Variants in PRDM11 observed in about 807,000 individuals in gnomAD.
PRDM11 encodes the protein PR/SET domain 11, also known as PR domain-containing protein 11.
PRDM11 carries 20 observed loss-of-function variants against 97.8 expected under a neutral mutation model. The ratio of observed to expected loss-of-function variants is 0.20; its 90% CI spans 0.14 to 0.30. The LOEUF is 0.30. Ranked by LOEUF, PRDM11 falls within the 10% of genes least tolerant of loss-of-function variation. The pLI is 1.00. For missense variants in PRDM11, 1,139 were observed against 1,555.2 expected, an observed-to-expected ratio of 0.73 and a Z score of 4.50; for synonymous variants, 599 against 637.7, an observed-to-expected ratio of 0.94 and a Z score of 0.91.
At chr11:45,199,138 G>A (rs566971819) in intron 4 of PRDM11, among the ~76,000 whole-genome samples, 45 of 152,242 alleles carry the variant, frequency 3.0e-4, no homozygotes, top group African/African-American at 1.1e-3. Flanking sequence ...TCGCTCAGGG[G>A]GCCAAACTCC....
chr11:45,189,044 G>A, intron 4 of PRDM11, among the ~76,000 whole-genome samples: 1 of 152,202 alleles, frequency 6.6e-6, no homozygotes, highest in East Asian at 1.9e-4. Context: ...TGGGATTACA[G>A]GCATGCGCCA....
chr11:45,201,536 C>T (rs1171544738), intron 4 of PRDM11, among the ~76,000 whole-genome samples: 5 of 151,822 alleles, frequency 3.3e-5, no homozygotes, highest in African/African-American at 7.3e-5. Flanking sequence ...CTTTGTCACC[C>T]GGGCTTGAGT....
chr11:45,157,348 C>T (rs865808953), intron 1 of PRDM11, among the ~76,000 whole-genome samples: 1 of 152,124 alleles, frequency 6.6e-6, no homozygotes, highest in Non-Finnish European at 1.5e-5. Context: ...CTAGAGCCCT[C>T]GCATGCGCAG....
intron 1 of PRDM11, among the ~76,000 whole-genome samples, chr11:45,176,052 G>A (rs187978892): frequency 1.3e-5 from 2 of 152,010 alleles, no homozygotes; most frequent in East Asian, 1.9e-4. Flanking sequence ...TATTTATTAG[G>A]GGTATTCACT....
intron 5 of PRDM11, among the ~76,000 whole-genome samples, chr11:45,208,152 T>C (rs889149873): frequency 1.9e-4 from 29 of 152,108 alleles, no homozygotes; most frequent in Non-Finnish European, 5.9e-5. Flanking sequence ...TCTCAAATTC[T>C]ACCAAAAAGT....
intron 4 of PRDM11, among the ~76,000 whole-genome samples, chr11:45,187,748 G>C (rs1852757226): frequency 6.6e-6 from 1 of 152,196 alleles, no homozygotes; most frequent in Admixed American, 6.5e-5. Flanking sequence ...AGAGGTGAGA[G>C]ACATTGAAGG....
At chr11:45,123,706 C>G (rs1394467684) in intron 1 of PRDM11, among the ~76,000 whole-genome samples, 11 of 150,310 alleles carry the variant, frequency 7.3e-5, no homozygotes, top group African/African-American at 2.7e-4. Context: ...TGATCTATAT[C>G]TCTGTTTTGG....
At chr11:45,102,567 C>G (rs1590337158) in intron 1 of PRDM11, among the ~76,000 whole-genome samples, 2 of 152,282 alleles carry the variant, frequency 1.3e-5, no homozygotes, top group South Asian at 2.1e-4. Flanking sequence ...GTGGGAGCCT[C>G]CTTCACACCG....
chr11:45,134,283 G>A lies in PRDM11; in HGVS notation c.96+38382G>A, dbSNP rs76011984. Among the ~76,000 whole-genome samples the A allele has an allele frequency of 2.4e-4, 36 of 152,244 alleles. No individual in the cohort carries two copies. The East Asian group carries it at 4.4e-3, about 19-fold the overall frequency. The stretch of plus-strand genomic sequence containing the variant: ...ATATAGAAGAAAACTTTAGTCTTAC[G>A]ATCATGTTCCTTGAGACTCATAAGC... On this transcript the variant is annotated intron_variant, in intron 1 of 6. Transcript: ENST00000530656.
chr11:45,225,597 G>A (rs1854255727), intron 7 of PRDM11, among the ~76,000 whole-genome samples: 1 of 152,190 alleles, frequency 6.6e-6, no homozygotes, highest in Non-Finnish European at 1.5e-5. Context: ...TCACATTAAT[G>A]AAGGGCAAAT....
chr11:45,121,171 A>G (rs543752283), intron 1 of PRDM11, among the ~76,000 whole-genome samples: 1 of 152,270 alleles, frequency 6.6e-6, no homozygotes, highest in Non-Finnish European at 1.5e-5. Flanking sequence ...TACCAACTAT[A>G]TCAGCAATTA....
At position 45,224,214 on chromosome 11, in the gene PRDM11, T is replaced by C. The variant is rs1854198666; in HGVS notation, c.743-3T>C. On this transcript the variant is annotated splice_region_variant and splice_polypyrimidine_tract_variant and intron_variant, in intron 6 of 7. Transcript: ENST00000683152. Reference sequence around the variant, plus strand: ...TTCCTTACACCCTGGTTTTCCTTCCTAGGAGAGAAGAGGTTGCAGAGGGAG... The same window carrying C: ...TTCCTTACACCCTGGTTTTCCTTCCCAGGAGAGAAGAGGTTGCAGAGGGAG... 6.4e-7 allele frequency: 1 copy of C among 1,569,220 alleles called. No homozygotes were observed. Among genetic ancestry groups the C allele is most frequent in the Admixed American group, 2.0e-5 (1 of 51,012 alleles).
chr11:45,224,978 TG>T (rs1854236724), intron 7 of PRDM11, 135 bp downstream of exon 7: 6 of 1,526,602 alleles, frequency 3.9e-6, no homozygotes, highest in African/African-American at 1.4e-5. Flanking sequence ...GCTACCTCCG[TG>T]GGTGGGAGCC....
At chr11:45,173,563 A>G (rs933661091) in intron 1 of PRDM11, among the ~76,000 whole-genome samples, 3 of 151,120 alleles carry the variant, frequency 2.0e-5, no homozygotes, top group Non-Finnish European at 4.4e-5. Context: ...CGGAGGTTGC[A>G]GTGAGCCGAG....
intron 1 of PRDM11, among the ~76,000 whole-genome samples, chr11:45,135,246 A>C (rs1269925661): frequency 6.6e-6 from 1 of 152,254 alleles, no homozygotes; most frequent in East Asian, 1.9e-4. Context: ...AACCTGCCTT[A>C]GCAAACAAGA....
intron 5 of PRDM11, chr11:45,213,426 C>T (rs1158463888): frequency 6.7e-6 from 3 of 446,046 alleles, no homozygotes; most frequent in Non-Finnish European, 1.4e-5. Flanking sequence ...CACATGTGAC[C>T]TCCCAGGCCC....
At chr11:45,131,102 T>C (rs890639634) in intron 1 of PRDM11, among the ~76,000 whole-genome samples, 2 of 152,190 alleles carry the variant, frequency 1.3e-5, no homozygotes, top group South Asian at 4.1e-4. Flanking sequence ...ACAACATGAA[T>C]GAATCACACA....
At chr11:45,129,958 TC>T (rs1852682122) in intron 1 of PRDM11, among the ~76,000 whole-genome samples, 2 of 152,028 alleles carry the variant, frequency 1.3e-5, no homozygotes, top group South Asian at 4.2e-4. Flanking sequence ...TAGGATAGAG[TC>T]CAACAACAGA....
At chr11:45,181,167 G>A (rs1052376290) in intron 1 of PRDM11, among the ~76,000 whole-genome samples, 1 of 152,174 alleles carries the variant, frequency 6.6e-6, no homozygotes, top group Non-Finnish European at 1.5e-5. Flanking sequence ...GGTGGAGGGC[G>A]GTAAGCGGCG....
Sources: gnomAD v4.1 joint callset for allele counts (sites outside exome capture counted in the v4.1 genomes callset) on GRCh38, gnomAD v4.1.1 for gene constraint, MANE v1.5 for transcripts, NCBI Gene and HGNC (gene_info 2026-07-23, HGNC 2026-07-21) for gene names.